ATP13A4: variants seen among roughly 807,000 people sequenced by gnomAD.
The protein encoded by ATP13A4 is ATPase 13A4.
ATP13A4 carries 114 observed loss-of-function variants against 142.5 expected under a neutral mutation model. That is an observed-to-expected ratio of 0.80 (90% CI 0.69 to 0.93). ATP13A4 has a LOEUF of 0.93. Ranked by LOEUF, ATP13A4 falls within the 40% of genes least tolerant of loss-of-function variation. The pLI is 0.00. For missense variants in ATP13A4, 1,392 were observed against 1,454.0 expected, an observed-to-expected ratio of 0.96 and a Z score of 0.69; for synonymous variants, 488 against 514.8, an observed-to-expected ratio of 0.95 and a Z score of 0.70.
chr3:193,458,754 G>T lies in ATP13A4; in HGVS notation c.1674+327C>A, dbSNP rs941043319. On this transcript the variant is annotated intron_variant, in intron 14 of 29. Coordinates refer to ENST00000342695, the MANE Select transcript of ATP13A4 (RefSeq NM_032279.4). ...AAATCTTCGAAACCAGACAATGCTCGGAGAACAGTACAGAGAGACAAGAAA... is the reference window on the plus strand; with the variant it reads ...AAATCTTCGAAACCAGACAATGCTCTGAGAACAGTACAGAGAGACAAGAAA... 3.2e-5 allele frequency: 17 copies of T among 523,688 alleles called. No individual in the cohort carries two copies. In the Admixed American group the frequency reaches 3.5e-4, roughly 11 times the overall value. 32.4% of individuals were successfully genotyped at this position (523,688 alleles called of 1,614,324 possible). A position where few individuals can be genotyped will look rare whatever the true frequency, so the allele number is the denominator to read the frequency against.
At chr3:193,493,848 T>C (rs1720079858) in intron 3 of ATP13A4, among the ~76,000 whole-genome samples, 2 of 152,032 alleles carry the variant, frequency 1.3e-5, no homozygotes, top group Non-Finnish European at 1.5e-5. Context: ...TGCCCAGTCA[T>C]TTTCCTTTCT....
In ATP13A4 at chr3:193,400,691, C is replaced by G. The variant is rs1214077338; in HGVS notation, c.*1961G>C. Among the ~76,000 whole-genome samples the G allele has an allele frequency of 2.3e-5, 3 of 131,594 alleles. No homozygotes were observed. The highest frequency in any genetic ancestry group is 8.2e-5 in the Admixed American group (1 of 12,216). 86.3% of individuals were successfully genotyped at this position (131,594 alleles called of 152,430 possible). A position where few individuals can be genotyped will look rare whatever the true frequency, so the allele number is the denominator to read the frequency against. The stretch of plus-strand genomic sequence containing the variant: ...TCATCTGTATGGTGGAGATGATAAG[C>G]CCTTCCTTGTTCAGTCATGGGACAA... On this transcript the variant is annotated 3_prime_UTR_variant, in exon 30 of 30. Transcript: ENST00000342695.
At position 193,525,886 on chromosome 3, in the gene ATP13A4, CTTTTCCATA is replaced by C. The variant is rs1406199073; in HGVS notation, c.61-11024_61-11016del. 5.6e-4 allele frequency among the ~76,000 whole-genome samples: 85 copies of C among 152,216 alleles called. 2 individuals are homozygous for C. The highest frequency in any genetic ancestry group is 2.0e-4 in the Admixed American group (3 of 15,286). ...ATCCCCTGTTGAGCTAGTCTGGAATCTTTTCCATATACAGGAAGTTTATAAAAGAAGTGA... is the reference window on the plus strand; with the variant it reads ...ATCCCCTGTTGAGCTAGTCTGGAATCTACAGGAAGTTTATAAAAGAAGTGA... On this transcript the variant is annotated intron_variant, in intron 1 of 29. Coordinates refer to ENST00000342695, the MANE Select transcript of ATP13A4 (RefSeq NM_032279.4).
In ATP13A4 at chr3:193,431,933, A is replaced by G. The variant is rs143499920; in HGVS notation, c.2842+1912T>C. On this transcript the variant is annotated intron_variant, in intron 25 of 29. Coordinates refer to ENST00000342695, the MANE Select transcript of ATP13A4 (RefSeq NM_032279.4). The stretch of plus-strand genomic sequence containing the variant: ...GCCCCTGGATGTTAGAATCTGGCTA[A>G]TGGAAATGGAATGGTAGTAGAATTA... Among the ~76,000 whole-genome samples, 503 of 152,166 alleles carry G rather than the reference A, an allele frequency of 3.3e-3. 9 individuals carry two copies. The highest frequency in any genetic ancestry group is 0.027 in the Admixed American group (409 of 15,256).
intron 14 of ATP13A4, chr3:193,458,662 C>A: frequency 3.7e-6 from 1 of 269,644 alleles, no homozygotes; most frequent in South Asian, 7.7e-5. Flanking sequence ...GACTTATAGT[C>A]CCCGTGAATC....
At chr3:193,457,552 T>C (rs1717702056) in intron 14 of ATP13A4, 87 bp from the exon 15 acceptor site, 2 of 1,201,752 alleles carry the variant, frequency 1.7e-6, no homozygotes, top group Admixed American at 1.7e-5. Flanking sequence ...CTTGAGAAGA[T>C]CCTCAGACCA....
Position 193,457,137 on chromosome 3 carries a change from A to C in ATP13A4, c.1778T>G (p.Ile593Ser), listed in dbSNP as rs1281736475. The C allele has an allele frequency of 1.2e-5, 19 of 1,613,128 alleles. No homozygotes were observed. Among genetic ancestry groups the C allele is most frequent in the Non-Finnish European group, 1.6e-5 (19 of 1,180,024 alleles). Residue 593 changes from isoleucine to serine, a missense_variant, in exon 16 of 30, where the codon ATT becomes AGT. Physicochemically the swap from Ile to Ser is moderately radical, Grantham distance 142. Transcript: ENST00000342695. Reference protein sequence around the residue: ...RTASQVPVEGIAILHQFPFSS... With the variant: ...RTASQVPVEGSAILHQFPFSS... ...GAATGGGAACTGATGCAGGATTGCA[A>C]TTCCTTCCACTGGGACCTGGTTGAG...
chr3:193,502,143 C>T (rs965676516), intron 3 of ATP13A4, among the ~76,000 whole-genome samples: 1 of 152,178 alleles, frequency 6.6e-6, no homozygotes, highest in African/African-American at 2.4e-5. Flanking sequence ...CTACCTCTAA[C>T]AAAAGGAAAA....
chr3:193,589,043 G>A (rs1577092184), intron 1 of ATP13A4, among the ~76,000 whole-genome samples: 1 of 152,238 alleles, frequency 6.6e-6, no homozygotes, highest in East Asian at 1.9e-4. Flanking sequence ...AGGAGACTGA[G>A]GCAGGAGAAT....
At chr3:193,420,269 G>T (rs1444301692) in intron 25 of ATP13A4, among the ~76,000 whole-genome samples, 1 of 148,960 alleles carries the variant, frequency 6.7e-6, no homozygotes, top group Non-Finnish European at 1.5e-5. Context: ...GTCATTATTG[G>T]CATTGATCTT....
chr3:193,544,541 G>C (rs1316283469), intron 1 of ATP13A4, among the ~76,000 whole-genome samples: 5 of 152,142 alleles, frequency 3.3e-5, no homozygotes, highest in African/African-American at 1.2e-4. Context: ...ATACCACTGG[G>C]AGAGAAACAG....
At chr3:193,467,550 C>T in intron 9 of ATP13A4, 64 bp from the exon 10 acceptor site, 1 of 1,507,212 alleles carries the variant, frequency 6.6e-7, no homozygotes, top group Non-Finnish European at 9.2e-7. Flanking sequence ...ATCATGCCTG[C>T]ACCCACTCAT....
chr3:193,411,592 T>C (rs1288048391), intron 27 of ATP13A4, among the ~76,000 whole-genome samples: 1 of 152,196 alleles, frequency 6.6e-6, no homozygotes, highest in Non-Finnish European at 1.5e-5. Context: ...ATTTTTTCAA[T>C]AAGAAGAGTA....
chr3:193,583,387 C>T (rs926771622), intron 1 of ATP13A4, among the ~76,000 whole-genome samples: 16 of 151,358 alleles, frequency 1.1e-4, no homozygotes, highest in African/African-American at 3.9e-4. Context: ...GAGCCGAGAT[C>T]ATGCCACTGC....
At chr3:193,522,893 G>A (rs1372292890) in intron 1 of ATP13A4, among the ~76,000 whole-genome samples, 1 of 152,122 alleles carries the variant, frequency 6.6e-6, no homozygotes, top group Non-Finnish European at 1.5e-5. Context: ...TCTTTCTGAT[G>A]ATGTCTTTAG....
chr3:193,563,229 C>A (rs138918498), intron 2 of ATP13A4, among the ~76,000 whole-genome samples: 1 of 152,220 alleles, frequency 6.6e-6, no homozygotes, highest in Non-Finnish European at 1.5e-5. Context: ...AAAGATTATA[C>A]CTGGTTTACT....
At chr3:193,519,806 A>G (rs961513050) in intron 1 of ATP13A4, among the ~76,000 whole-genome samples, 1 of 151,152 alleles carries the variant, frequency 6.6e-6, no homozygotes, top group African/African-American at 2.4e-5. Context: ...CACTGTGCCC[A>G]GCTAATTTTT....
chr3:193,588,220 T>C (rs1336019209), intron 1 of ATP13A4, among the ~76,000 whole-genome samples: 1 of 152,154 alleles, frequency 6.6e-6, no homozygotes, highest in East Asian at 1.9e-4. Context: ...TTCACAAAGG[T>C]TAATGTGACC....
intron 25 of ATP13A4, among the ~76,000 whole-genome samples, chr3:193,418,063 A>G (rs1372510880): frequency 2.5e-5 from 3 of 117,704 alleles, no homozygotes; most frequent in East Asian, 3.0e-4. Context: ...CAGAGCTTGC[A>G]GTGAGCCGAG....
Sources: gnomAD v4.1 joint callset for allele counts (sites outside exome capture counted in the v4.1 genomes callset) on GRCh38, gnomAD v4.1.1 for gene constraint, MANE v1.5 for transcripts, NCBI Gene and HGNC (gene_info 2026-07-23, HGNC 2026-07-21) for gene names.